The following DZIP3 variants were observed in gnomAD, a reference collection of about 807,000 sequenced individuals.
The protein encoded by DZIP3 is E3 ubiquitin-protein ligase DZIP3.
A neutral mutation model predicts 162.0 loss-of-function variants in DZIP3; 118 were observed. The observed-to-expected ratio is 0.73, with a 90% confidence interval of 0.63 to 0.85. The LOEUF (loss-of-function observed/expected upper bound fraction) is 0.85. DZIP3 is among the 40% of genes least tolerant of loss of function. DZIP3 has a pLI of 0.00. For synonymous variants in DZIP3, 438 were observed against 458.6 expected, an observed-to-expected ratio of 0.96 and a Z score of 0.57; for missense variants, 1,331 against 1,407.0, an observed-to-expected ratio of 0.95 and a Z score of 0.86.
intron 5 of DZIP3, among the ~76,000 whole-genome samples, chr3:108,617,743 A>G (rs150166610): frequency 6.1e-4 from 93 of 152,292 alleles, no homozygotes; most frequent in African/African-American, 1.6e-3. Flanking sequence ...AAACAAAGAA[A>G]ATGGGGGATT....
At position 108,605,340 on chromosome 3, in the gene DZIP3, A is replaced by G; in HGVS notation, c.-67A>G. The G allele has an allele frequency of 1.3e-6, 2 of 1,596,508 alleles. No individual in the cohort carries two copies. Among genetic ancestry groups the G allele is most frequent in the Non-Finnish European group, 1.7e-6 (2 of 1,165,246 alleles). ...AAATATTATTTTCCTTACAGCATTA[A>G]AGGGCAGTATTTAAAGTCAGTTGGC... On this transcript the variant is annotated 5_prime_UTR_variant, in exon 2 of 33. It removes the in-frame stop codon of an upstream open reading frame in the 5' UTR. Coordinates refer to ENST00000361582, the MANE Select transcript of DZIP3 (RefSeq NM_014648.4).
chr3:108,621,663 T>C (rs966050633), intron 5 of DZIP3, among the ~76,000 whole-genome samples: 2 of 152,158 alleles, frequency 1.3e-5, no homozygotes, highest in Non-Finnish European at 1.5e-5. Flanking sequence ...TTGGTGGGAA[T>C]GTAAATTAGT....
chr3:108,631,055 A>ACACACACACATACACTCTCT, intron 8 of DZIP3, among the ~76,000 whole-genome samples: 17 of 18,016 alleles, frequency 9.4e-4, no homozygotes, highest in Non-Finnish European at 9.9e-4. Context: ...ACACACACAC[A>ACACACACACATACACTCTCT]CTCTCTCTCT....
chr3:108,600,346 A>AT (rs11328757), intron 1 of DZIP3, among the ~76,000 whole-genome samples: 32 of 148,956 alleles, frequency 2.1e-4, no homozygotes, highest in Admixed American at 8.0e-4. Flanking sequence ...TTGTAATAGC[A>AT]TTTTTTTTTT....
At chr3:108,612,063 T>C (rs1014624199) in intron 4 of DZIP3, among the ~76,000 whole-genome samples, 1 of 152,190 alleles carries the variant, frequency 6.6e-6, no homozygotes, top group Non-Finnish European at 1.5e-5. Context: ...GGAAGCTATA[T>C]TGTAGATTTC....
intron 26 of DZIP3, among the ~76,000 whole-genome samples, chr3:108,679,885 C>A (rs1944242420): frequency 6.6e-6 from 1 of 152,040 alleles, no homozygotes; most frequent in Non-Finnish European, 1.5e-5. Context: ...CAGTTTAACC[C>A]AGTAATTCTA....
chr3:108,659,155 A>G (rs1204678803), intron 19 of DZIP3, among the ~76,000 whole-genome samples: 1 of 152,230 alleles, frequency 6.6e-6, no homozygotes, highest in East Asian at 1.9e-4. Context: ...GGCCAGCATC[A>G]TCCTGATAGC....
chr3:108,635,827 T>C (rs1373363443), intron 10 of DZIP3, among the ~76,000 whole-genome samples: 1 of 151,652 alleles, frequency 6.6e-6, no homozygotes, highest in Non-Finnish European at 1.5e-5. Flanking sequence ...TGTGGTTCTA[T>C]AGTGTTTACA....
intron 21 of DZIP3, among the ~76,000 whole-genome samples, chr3:108,667,189 A>G (rs569940409): frequency 6.6e-6 from 1 of 152,206 alleles, no homozygotes; most frequent in South Asian, 2.1e-4. Flanking sequence ...TGAGTTGGAA[A>G]AAGAAAAATA....
intron 3 of DZIP3, among the ~76,000 whole-genome samples, chr3:108,608,536 T>C (rs998839108): frequency 3.3e-5 from 5 of 152,200 alleles, no homozygotes; most frequent in African/African-American, 1.2e-4. Flanking sequence ...GAATTTTATT[T>C]ACTAAGACGT....
Position 108,647,999 on chromosome 3 carries a change from G to C in DZIP3, c.1849G>C (p.Glu617Gln), listed in dbSNP as rs1942704577. ...EEEELSPPLM[E>Q]YNINVKSHPE... ...AGAAGAACTAAGTCCACCTCTCATG[G>C]AGTACAATATAAATGTGAAATCACA... Residue 617 changes from glutamate to glutamine, a missense_variant, in exon 16 of 33, where the codon GAG becomes CAG. By Grantham distance (29) the Glu-to-Gln change is conservative. This residue lies in a region of DZIP3 where 1,278 missense variants were observed against 1,317.1 expected (regional missense o/e 0.97). Coordinates refer to ENST00000361582, the MANE Select transcript of DZIP3 (RefSeq NM_014648.4). The C allele has an allele frequency of 1.2e-6, 2 of 1,607,384 alleles. No homozygotes were observed. Among genetic ancestry groups the C allele is most frequent in the African/African-American group, 1.3e-5 (1 of 74,436 alleles).
intron 6 of DZIP3, 90 bp from the exon 7 acceptor site, chr3:108,625,755 T>TA: frequency 7.5e-7 from 1 of 1,325,976 alleles, no homozygotes; most frequent in South Asian, 1.7e-5. Context: ...AAAGCTGCCC[T>TA]AATTTCTCCA....
intron 14 of DZIP3, 29 bp from the exon 15 acceptor site, chr3:108,646,588 C>G (rs1225247175): frequency 6.6e-7 from 1 of 1,523,646 alleles, no homozygotes; most frequent in African/African-American, 1.4e-5. Context: ...TGCAATTGTA[C>G]ATCTAAAATT....
chr3:108,679,659 A>G (rs978102913), intron 26 of DZIP3, among the ~76,000 whole-genome samples: 2 of 152,098 alleles, frequency 1.3e-5, no homozygotes, highest in African/African-American at 4.8e-5. Flanking sequence ...GAAGTACACT[A>G]ATGAGGTCTG....
Position 108,686,547 on chromosome 3 carries a change from A to T in DZIP3, c.3112A>T (p.Thr1038Ser). The change falls in exon 28 of 33, where the codon ACA becomes TCA. Residue 1038 changes from threonine (T) to serine (S), a missense_variant. Around this residue, in one of 2 missense-constraint regions of DZIP3, gnomAD observed 1,278 missense variants for 1,317.1 expected, o/e 0.97. Transcript: ENST00000361582. Reference protein sequence around the residue: ...DPSIMNWERITDRLKTAFPQQ... With the variant: ...DPSIMNWERISDRLKTAFPQQ... ...CTCCATCATGAATTGGGAGAGAATT[A>T]CAGACAGGCTGAAAACTGCCTTTCC... is the stretch of plus-strand genomic sequence containing the variant. 6.2e-7 allele frequency: 1 copy of T among 1,611,084 alleles called. No individual in the cohort carries two copies. The highest frequency in any genetic ancestry group is 1.1e-5 in the South Asian group (1 of 90,632).
At chr3:108,635,954 A>G (rs1488377315) in intron 10 of DZIP3, among the ~76,000 whole-genome samples, 2 of 151,874 alleles carry the variant, frequency 1.3e-5, no homozygotes, top group Non-Finnish European at 2.9e-5. Context: ...TAGTTTTATT[A>G]TATTAGACTG....
intron 32 of DZIP3, among the ~76,000 whole-genome samples, chr3:108,692,468 T>C (rs1944734782): frequency 6.6e-6 from 1 of 152,220 alleles, no homozygotes; most frequent in African/African-American, 2.4e-5. Context: ...TCCAGTTGAA[T>C]AGTCTCATTC....
At chr3:108,656,417 A>T (rs1018657791) in intron 19 of DZIP3, among the ~76,000 whole-genome samples, 4 of 152,186 alleles carry the variant, frequency 2.6e-5, no homozygotes, top group African/African-American at 9.7e-5. Context: ...ACTCCAACAG[A>T]CCTGCAGCTG....
At chr3:108,636,235 G>T (rs1446767398) in intron 10 of DZIP3, among the ~76,000 whole-genome samples, 1 of 151,924 alleles carries the variant, frequency 6.6e-6, no homozygotes, top group Non-Finnish European at 1.5e-5. Flanking sequence ...TAGCAGGCCA[G>T]AACTAGAGAA....
Sources: allele counts gnomAD v4.1 joint callset (sites outside exome capture counted in the v4.1 genomes callset), GRCh38; gene constraint gnomAD v4.1.1; regional missense constraint gnomAD v4.1.1; transcripts MANE v1.5; gene names NCBI Gene and HGNC (gene_info 2026-07-23, HGNC 2026-07-21).